The following TAFA1 variants were observed in gnomAD, a reference collection of about 807,000 sequenced individuals.
TAFA1 encodes chemokine-like protein TAFA-1.
In TAFA1, 4 loss-of-function variants were observed where a neutral mutation model predicts 18.5. The ratio of observed to expected loss-of-function variants is 0.22; its 90% CI spans 0.11 to 0.49. The LOEUF (loss-of-function observed/expected upper bound fraction) is 0.49, where lower values mean the gene tolerates loss of function less well. Among genes scored for constraint, TAFA1 ranks in the 20% least tolerant of loss-of-function variants. The pLI is 0.98. For missense variants in TAFA1, 147 were observed against 169.0 expected (o/e 0.87, Z 0.72); for synonymous variants, 56 against 55.2 (o/e 1.01, Z -0.06).
At chr3:68,417,702 G>T (rs2106798437) in intron 3 of TAFA1, 1 of 331,104 alleles carries the variant, frequency 3.0e-6, no homozygotes, top group African/African-American at 2.1e-5. Context: ...AACTGTATTA[G>T]TCCATTCTCA....
intron 2 of TAFA1, among the ~76,000 whole-genome samples, chr3:68,264,661 G>GTCAATGAAAGTCTTTA (rs11274170): frequency 0.31 from 46,721 of 150,914 alleles, 8,339 homozygotes; most frequent in African/African-American, 0.46. Context: ...GCTTAACACA[G>GTCAATGAAAGTCTTTA]TCAATGAAAG....
rs569096248 is a variant in TAFA1 at position 68,314,914 on chromosome 3, T to A, written c.119-102366T>A. Among the ~76,000 whole-genome samples the A allele has an allele frequency of 1.3e-4, 19 of 148,788 alleles. No individual in the cohort carries two copies. The South Asian group carries it at 4.0e-3, about 31-fold the overall frequency. On this transcript the variant is annotated intron_variant, in intron 2 of 4. Coordinates refer to ENST00000478136, the MANE Select transcript of TAFA1 (RefSeq NM_213609.4). ...TATTTATACACATATTGATATATTC[T>A]TATAAATATTATATATAATATTAAT... is the stretch of plus-strand genomic sequence containing the variant.
At chr3:68,521,709 G>A (rs1038946121) in intron 3 of TAFA1, among the ~76,000 whole-genome samples, 1 of 151,930 alleles carries the variant, frequency 6.6e-6, no homozygotes, top group African/African-American at 2.4e-5. Context: ...AAAGTCAGTG[G>A]TAAACTAAAT....
At chr3:68,204,462 G>A (rs190283637) in intron 2 of TAFA1, among the ~76,000 whole-genome samples, 1 of 145,258 alleles carries the variant, frequency 6.9e-6, no homozygotes, top group Non-Finnish European at 1.5e-5. Flanking sequence ...GTGATTGATT[G>A]TTCTTCTTTG....
intron 2 of TAFA1, among the ~76,000 whole-genome samples, chr3:68,025,771 T>TTG (rs1391406249): frequency 6.6e-6 from 1 of 152,198 alleles, no homozygotes; most frequent in Non-Finnish European, 1.5e-5. Context: ...TCTGCTCAGA[T>TTG]ATCACCTCCT....
At chr3:68,478,348 G>A (rs760457377) in intron 3 of TAFA1, among the ~76,000 whole-genome samples, 13 of 152,128 alleles carry the variant, frequency 8.5e-5, no homozygotes, top group Non-Finnish European at 1.5e-4. Flanking sequence ...TGAGAGATCT[G>A]GAAGACTTTC....
At chr3:68,058,319 G>C (rs2064560627) in intron 2 of TAFA1, among the ~76,000 whole-genome samples, 1 of 152,152 alleles carries the variant, frequency 6.6e-6, no homozygotes. Flanking sequence ...TTTAGAAAAT[G>C]CATTTAAGAG....
intron 3 of TAFA1, among the ~76,000 whole-genome samples, chr3:68,460,942 G>A (rs1433920556): frequency 6.6e-6 from 1 of 152,166 alleles, no homozygotes; most frequent in Admixed American, 6.5e-5. Flanking sequence ...AACAGCTAAA[G>A]AAGATCAGCT....
intron 2 of TAFA1, among the ~76,000 whole-genome samples, chr3:68,266,669 A>T (rs1181202780): frequency 6.6e-6 from 1 of 152,160 alleles, no homozygotes; most frequent in Non-Finnish European, 1.5e-5. Flanking sequence ...CAGGAGACAC[A>T]TAATAAAGGA....
intron 2 of TAFA1, among the ~76,000 whole-genome samples, chr3:68,045,501 A>G (rs1705249124): frequency 6.6e-6 from 1 of 152,154 alleles, no homozygotes; most frequent in Non-Finnish European, 1.5e-5. Context: ...TTCTGCCTTT[A>G]CCACAAATTG....
chr3:68,454,897 GATCAACACAGGGTTAGGAGCACCA>G (rs1400681447), intron 3 of TAFA1, among the ~76,000 whole-genome samples: 58 of 151,624 alleles, frequency 3.8e-4, no homozygotes, highest in African/African-American at 1.4e-3. Flanking sequence ...GTTGACTCCT[GATCAACACAGGGTTAGGAGCACCA>G]ATCCCCTAGA....
chr3:68,380,791 A>C (rs1441360854), intron 2 of TAFA1, among the ~76,000 whole-genome samples: 1 of 151,268 alleles, frequency 6.6e-6, no homozygotes, highest in Non-Finnish European at 1.5e-5. Context: ...CCATTTGTCA[A>C]TTTTGGCTTT....
intron 2 of TAFA1, among the ~76,000 whole-genome samples, chr3:68,130,878 C>T (rs558930933): frequency 6.6e-6 from 1 of 152,236 alleles, no homozygotes; most frequent in South Asian, 2.1e-4. Flanking sequence ...TCCTCCCTGG[C>T]TAGAGTCTTC....
chr3:68,029,965 G>C (rs1704895993), intron 2 of TAFA1, among the ~76,000 whole-genome samples: 1 of 152,144 alleles, frequency 6.6e-6, no homozygotes, highest in Admixed American at 6.5e-5. Context: ...TAAGAAGCCT[G>C]CTTAGTCTGT....
At chr3:68,110,138 C>T (rs1055666655) in intron 2 of TAFA1, among the ~76,000 whole-genome samples, 5 of 152,148 alleles carry the variant, frequency 3.3e-5, no homozygotes, top group African/African-American at 1.2e-4. Context: ...CAACTCCTCC[C>T]TCCAACAGGC....
intron 2 of TAFA1, among the ~76,000 whole-genome samples, chr3:68,380,875 T>G (rs1034928182): frequency 1.8e-4 from 27 of 150,140 alleles, no homozygotes; most frequent in Non-Finnish European, 3.9e-4. Flanking sequence ...ATTGCCTAGG[T>G]TTTCTTCTAG....
At chr3:68,260,421 A>T (rs1252280398) in intron 2 of TAFA1, among the ~76,000 whole-genome samples, 34 of 152,194 alleles carry the variant, frequency 2.2e-4, no homozygotes, top group Admixed American at 2.2e-3. Flanking sequence ...TGTCTCTGCC[A>T]GGCTTTGGTA....
At chr3:68,326,425 G>C (rs1314234972) in intron 2 of TAFA1, among the ~76,000 whole-genome samples, 2 of 152,148 alleles carry the variant, frequency 1.3e-5, no homozygotes, top group Non-Finnish European at 2.9e-5. Context: ...AAATTGCTGG[G>C]TTCACTGGTC....
chr3:68,235,042 C>T, intron 2 of TAFA1, among the ~76,000 whole-genome samples: 1 of 152,146 alleles, frequency 6.6e-6, no homozygotes, highest in East Asian at 1.9e-4. Flanking sequence ...CGTTTATATA[C>T]ACGTTTGCTG....
Sources: gnomAD v4.1 joint callset for allele counts (sites outside exome capture counted in the v4.1 genomes callset) on GRCh38, gnomAD v4.1.1 for gene constraint, MANE v1.5 for transcripts, NCBI Gene and HGNC (gene_info 2026-07-23, HGNC 2026-07-21) for gene names.